Variants in RAB3C observed in about 807,000 individuals in gnomAD.
RAB3C encodes ras-related protein Rab-3C.
Under a neutral mutation model 26.4 loss-of-function variants are expected in RAB3C, and 17 were observed. The observed-to-expected ratio is 0.64, with a 90% CI of 0.44 to 0.97. The LOEUF (loss-of-function observed/expected upper bound fraction) is 0.97. RAB3C is among the 50% of genes least tolerant of loss of function. The pLI is 0.00. For missense variants in RAB3C, 242 were observed against 281.9 expected, an observed-to-expected ratio of 0.86 and a Z score of 1.01; for synonymous variants, 91 against 95.9, an observed-to-expected ratio of 0.95 and a Z score of 0.30.
intron 2 of RAB3C, among the ~76,000 whole-genome samples, chr5:58,710,588 G>GACTC (rs1460570903): frequency 7.1e-6 from 1 of 140,322 alleles, no homozygotes; most frequent in Non-Finnish European, 1.6e-5. Flanking sequence ...AAAAGAGCAA[G>GACTC]ACTCTGTCTC....
At position 58,763,616 on chromosome 5, in the gene RAB3C, C is replaced by T. The variant is rs1434253005; in HGVS notation, c.371+37496C>T. Among the ~76,000 whole-genome samples, 3 of 152,228 alleles carry T rather than the reference C, an allele frequency of 2.0e-5. No homozygotes were observed. The East Asian group carries it at 5.8e-4, about 29-fold the overall frequency. ...ATGTTGTCAAAAGGAAACAGGATGACCAAGTTCTCACACATCCTAGTGCTT... is the reference window on the plus strand; with the variant it reads ...ATGTTGTCAAAAGGAAACAGGATGATCAAGTTCTCACACATCCTAGTGCTT... On this transcript the variant is annotated intron_variant, in intron 3 of 4. Transcript: ENST00000282878.
intron 3 of RAB3C, among the ~76,000 whole-genome samples, chr5:58,822,352 CATA>C (rs1398416710): frequency 6.6e-6 from 1 of 152,174 alleles, no homozygotes; most frequent in Non-Finnish European, 1.5e-5. Flanking sequence ...GTAAAATGGG[CATA>C]ATAATATTCT....
intron 3 of RAB3C, among the ~76,000 whole-genome samples, chr5:58,759,762 T>G (rs1336153155): frequency 6.6e-6 from 1 of 152,196 alleles, no homozygotes; most frequent in Admixed American, 6.5e-5. Context: ...CCCATTTAAT[T>G]TTTCCAATTA....
chr5:58,776,451 G>A (rs571567661), intron 3 of RAB3C, among the ~76,000 whole-genome samples: 154 of 152,038 alleles, frequency 1.0e-3, no homozygotes, highest in Middle Eastern at 3.4e-3. Flanking sequence ...TCTCCATTCC[G>A]AGGTCTTACA....
At chr5:58,805,122 A>G (rs1742907001) in intron 3 of RAB3C, among the ~76,000 whole-genome samples, 1 of 152,180 alleles carries the variant, frequency 6.6e-6, no homozygotes, top group Non-Finnish European at 1.5e-5. Context: ...TCAATTATAA[A>G]CTAAATACTT....
At chr5:58,768,165 GA>G (rs1741948985) in intron 3 of RAB3C, among the ~76,000 whole-genome samples, 1 of 152,168 alleles carries the variant, frequency 6.6e-6, no homozygotes, top group Non-Finnish European at 1.5e-5. Flanking sequence ...TGCTGACTTT[GA>G]AATGCCTACA....
At chr5:58,617,045 AC>A (rs1561267973) in intron 1 of RAB3C, among the ~76,000 whole-genome samples, 1 of 149,374 alleles carries the variant, frequency 6.7e-6, no homozygotes, top group Non-Finnish European at 1.5e-5. Context: ...TCATTGGGTT[AC>A]TGTGAGGGAT....
At chr5:58,824,173 T>C (rs962683171) in intron 3 of RAB3C, among the ~76,000 whole-genome samples, 1 of 152,018 alleles carries the variant, frequency 6.6e-6, no homozygotes, top group Non-Finnish European at 1.5e-5. Flanking sequence ...GTGAATAGTG[T>C]CGCAATAAAC....
chr5:58,660,080 C>A (rs891531817), intron 2 of RAB3C, among the ~76,000 whole-genome samples: 1 of 142,614 alleles, frequency 7.0e-6, no homozygotes, highest in Admixed American at 6.7e-5. Flanking sequence ...GCTGGGATTA[C>A]AGGTGTGAGC....
chr5:58,748,481 A>G (rs1236864200), intron 3 of RAB3C, among the ~76,000 whole-genome samples: 2 of 152,204 alleles, frequency 1.3e-5, no homozygotes, highest in Non-Finnish European at 2.9e-5. Context: ...AAAATAGAAT[A>G]TAATTGAATT....
chr5:58,723,109 A>G (rs1740811476), intron 2 of RAB3C, among the ~76,000 whole-genome samples: 1 of 151,818 alleles, frequency 6.6e-6, no homozygotes. Context: ...TCTAATGCAA[A>G]TATACTTCCC....
In RAB3C at chr5:58,602,976, C is replaced by T. The variant is rs112440849; in HGVS notation, c.25-14667C>T. Reference sequence around the variant, plus strand: ...CCAGGATTTGTTTCAAGGTTTAGAGCTCCTTTTAGCAGTTCTTGTAGTGAT... The same window carrying T: ...CCAGGATTTGTTTCAAGGTTTAGAGTTCCTTTTAGCAGTTCTTGTAGTGAT... On this transcript the variant is annotated intron_variant, in intron 1 of 4. Transcript: ENST00000282878. 2.4e-3 allele frequency among the ~76,000 whole-genome samples: 359 copies of T among 152,258 alleles called. 1 individual carries two copies. The highest frequency in any genetic ancestry group is 4.5e-3 in the Non-Finnish European group (303 of 68,014).
Position 58,588,226 on chromosome 5 carries a change from G to A in RAB3C, c.24+4994G>A, listed in dbSNP as rs186335163. ...ACTTCTCTTGGGTAAATACCTAAAA[G>A]TAAAATTGCTGGAATAAATGGTAAG... On this transcript the variant is annotated intron_variant, in intron 1 of 4. Transcript: ENST00000282878. Among the ~76,000 whole-genome samples, 1,105 of 152,080 alleles carry A rather than the reference G, an allele frequency of 7.3e-3. 8 individuals carry two copies. The highest frequency in any genetic ancestry group is 0.026 in the African/African-American group (1,071 of 41,498).
chr5:58,598,320 A>G (rs967806465), intron 1 of RAB3C, among the ~76,000 whole-genome samples: 1 of 151,486 alleles, frequency 6.6e-6, no homozygotes, highest in Non-Finnish European at 1.5e-5. Context: ...GATATTGTAG[A>G]CTTCGGTGAT....
chr5:58,750,076 C>T (rs1741490490), intron 3 of RAB3C, among the ~76,000 whole-genome samples: 2 of 151,978 alleles, frequency 1.3e-5, no homozygotes, highest in African/African-American at 4.8e-5. Context: ...TATTTGTTTT[C>T]ATCATTCTAG....
rs777352832 is a variant in RAB3C, at chr5:58,859,079, C to A, written c.*7728C>A. On this transcript the variant is annotated 3_prime_UTR_variant, in exon 5 of 5. Transcript: ENST00000282878. Reference sequence around the variant, plus strand: ...TTCTCAGTGACTGCACTGTGGAACTCTTCTTAAGAAAATATTGAAAACAGC... The same window carrying A: ...TTCTCAGTGACTGCACTGTGGAACTATTCTTAAGAAAATATTGAAAACAGC... 3.3e-5 allele frequency: 5 copies of A among 152,178 alleles called. No homozygotes were observed. Among genetic ancestry groups the A allele is most frequent in the Non-Finnish European group, 1.5e-5 (1 of 68,022 alleles). 9.4% of individuals were successfully genotyped at this position (152,178 alleles called of 1,614,324 possible). A position where few individuals can be genotyped will look rare whatever the true frequency, so the allele number is the denominator to read the frequency against.
chr5:58,809,278 C>T (rs1033752175), intron 3 of RAB3C, among the ~76,000 whole-genome samples: 2 of 151,324 alleles, frequency 1.3e-5, no homozygotes, highest in Admixed American at 6.6e-5. Flanking sequence ...GGAAAAGGTA[C>T]TTTTGACTTC....
In RAB3C at chr5:58,738,437, C is replaced by A. The variant is rs969572852; in HGVS notation, c.371+12317C>A. On this transcript the variant is annotated intron_variant, in intron 3 of 4. Coordinates refer to ENST00000282878, the MANE Select transcript of RAB3C (RefSeq NM_138453.4). ...TGCATGTGTGTGTGCATGCGTGTAA[C>A]TCAGGAAATAGCAAATAGTTCGAAA... is the stretch of plus-strand genomic sequence containing the variant. 3.9e-5 allele frequency among the ~76,000 whole-genome samples: 6 copies of A among 152,216 alleles called. No homozygotes were observed. The South Asian group carries it at 1.2e-3, about 32-fold the overall frequency.
chr5:58,835,156 C>T (rs1367479161), intron 4 of RAB3C, among the ~76,000 whole-genome samples: 3 of 152,134 alleles, frequency 2.0e-5, no homozygotes, highest in African/African-American at 7.2e-5. Flanking sequence ...GTTTTTTATG[C>T]TGCCCTTCTT....
Sources: allele counts gnomAD v4.1 joint callset (sites outside exome capture counted in the v4.1 genomes callset), GRCh38; gene constraint gnomAD v4.1.1; transcripts MANE v1.5; gene names NCBI Gene and HGNC (gene_info 2026-07-23, HGNC 2026-07-21).